Variants in ITPR2 observed in about 807,000 individuals in gnomAD.
The protein encoded by ITPR2 is inositol 1,4,5-trisphosphate-gated calcium channel ITPR2.
Under a neutral mutation model 317.1 loss-of-function variants are expected in ITPR2, and 207 were observed. The observed-to-expected ratio is 0.65, with a 90% CI of 0.58 to 0.73. The LOEUF is 0.73. ITPR2 is among the 30% of genes least tolerant of loss of function. The pLI, the probability that ITPR2 is intolerant of heterozygous loss-of-function variation, is 0.00. For synonymous variants in ITPR2, 1,156 were observed against 1,149.1 expected, an observed-to-expected ratio of 1.01 and a Z score of -0.12; for missense variants, 2,613 against 3,284.0, an observed-to-expected ratio of 0.80 and a Z score of 4.99.
At chr12:26,620,117 T>C (rs552775221) in intron 26 of ITPR2, among the ~76,000 whole-genome samples, 1 of 152,276 alleles carries the variant, frequency 6.6e-6, no homozygotes, top group South Asian at 2.1e-4. Context: ...AATTCCCCTA[T>C]AGCTGAAGTT....
chr12:26,699,917 A>T (rs944780100), intron 9 of ITPR2, among the ~76,000 whole-genome samples: 2 of 152,130 alleles, frequency 1.3e-5, no homozygotes, highest in Admixed American at 6.5e-5. Context: ...TCTTTATGTT[A>T]AAAAAATAAA....
intron 1 of ITPR2, among the ~76,000 whole-genome samples, chr12:26,823,663 A>G (rs1287664526): frequency 6.6e-6 from 1 of 152,210 alleles, no homozygotes; most frequent in Non-Finnish European, 1.5e-5. Context: ...CAATTGTATG[A>G]TTAAAGTTTT....
chr12:26,801,588 T>C (rs1950556591), intron 1 of ITPR2, among the ~76,000 whole-genome samples: 1 of 152,198 alleles, frequency 6.6e-6, no homozygotes, highest in African/African-American at 2.4e-5. Context: ...AGAATTAAAA[T>C]AGATCCCTCT....
intron 42 of ITPR2, among the ~76,000 whole-genome samples, chr12:26,483,274 G>A (rs975751798): frequency 6.6e-6 from 1 of 152,248 alleles, no homozygotes; most frequent in South Asian, 2.1e-4. Flanking sequence ...TAATCTTTGG[G>A]TTAGAACCTA....
chr12:26,711,389 C>T (rs1198177699), intron 8 of ITPR2, 121 bp from the exon 9 acceptor site: 2 of 685,390 alleles, frequency 2.9e-6, no homozygotes, highest in Non-Finnish European at 2.6e-6. Context: ...ATATATGTTT[C>T]CATGAGAGCA....
Position 26,827,514 on chromosome 12 carries a change from G to A in ITPR2, c.92+5176C>T, listed in dbSNP as rs568227877. Among the ~76,000 whole-genome samples the A allele has an allele frequency of 1.6e-4, 24 of 152,278 alleles. 1 individual carries two copies. Among genetic ancestry groups the A allele is most frequent in the African/African-American group, 5.3e-4 (22 of 41,552 alleles). ...CCAGTCAGAGGGGCCTCCAAGAGAG[G>A]TCCGGTAAACTCAAATATAGTGAAA... On this transcript the variant is annotated intron_variant, in intron 1 of 56. Coordinates refer to ENST00000381340, the MANE Select transcript of ITPR2 (RefSeq NM_002223.4).
At chr12:26,796,436 AGTAAG>A (rs925480247) in intron 1 of ITPR2, among the ~76,000 whole-genome samples, 3 of 152,224 alleles carry the variant, frequency 2.0e-5, no homozygotes, top group Non-Finnish European at 4.4e-5. Flanking sequence ...ATTGGTAAAA[AGTAAG>A]GTAAGAAAAA....
chr12:26,740,609 C>T (rs1018280720), intron 2 of ITPR2, among the ~76,000 whole-genome samples: 2 of 151,972 alleles, frequency 1.3e-5, no homozygotes, highest in African/African-American at 2.4e-5. Context: ...AATAAAAACT[C>T]AAGGAAGATA....
chr12:26,547,264 A>G (rs1944411056), intron 37 of ITPR2, among the ~76,000 whole-genome samples: 2 of 152,238 alleles, frequency 1.3e-5, no homozygotes, highest in African/African-American at 2.4e-5. Context: ...TATTTCTCAA[A>G]GGAAGACAGA....
intron 1 of ITPR2, among the ~76,000 whole-genome samples, chr12:26,817,437 A>G (rs931465923): frequency 2.0e-5 from 3 of 152,240 alleles, no homozygotes; most frequent in Non-Finnish European, 4.4e-5. Context: ...AAAGTGAAAC[A>G]CTAAACAAAG....
intron 48 of ITPR2, among the ~76,000 whole-genome samples, chr12:26,430,972 T>C (rs1941189220): frequency 6.6e-6 from 1 of 152,208 alleles, no homozygotes; most frequent in African/African-American, 2.4e-5. Context: ...CAGAAATCCC[T>C]GGGTGGTCTT....
At chr12:26,775,052 C>T (rs1407062664) in intron 2 of ITPR2, among the ~76,000 whole-genome samples, 2 of 152,062 alleles carry the variant, frequency 1.3e-5, no homozygotes, top group Admixed American at 6.5e-5. Context: ...TTCCTTTCAC[C>T]CCATTTTCCC....
chr12:26,556,147 T>C (rs1944655742), intron 36 of ITPR2, 86 bp downstream of exon 36: 1 of 1,342,694 alleles, frequency 7.4e-7, no homozygotes, highest in African/African-American at 1.5e-5. Flanking sequence ...GGACTGTCAT[T>C]TTATATCAGT....
At chr12:26,657,937 T>C (rs765189866) in intron 17 of ITPR2, 45 bp from the exon 18 acceptor site, 39 of 1,606,340 alleles carry the variant, frequency 2.4e-5, no homozygotes, top group Non-Finnish European at 3.1e-5. Flanking sequence ...AAAGTACACT[T>C]GTAAATATGA....
At position 26,622,306 on chromosome 12, in the gene ITPR2, A is replaced by G. The variant is rs1320974989; in HGVS notation, c.3222T>C (p.Ser1074=). The change falls in exon 25 of 57, where the codon TCT becomes TCC. Residue 1074 remains serine (S), a synonymous_variant. Coordinates refer to ENST00000381340, the MANE Select transcript of ITPR2 (RefSeq NM_002223.4). ...GCTTAAACAACAGCTGCAGGGCTCC[A>G]GACAGCAAAGGCGGGTAGTCGTGCA... ...LIMHDYPPLL[S]GALQLLFKHF... 1.2e-6 allele frequency: 2 copies of G among 1,614,050 alleles called. No individual in the cohort carries two copies. Among genetic ancestry groups the G allele is most frequent in the Non-Finnish European group, 1.7e-6 (2 of 1,179,930 alleles).
intron 26 of ITPR2, among the ~76,000 whole-genome samples, chr12:26,604,016 C>G (rs1946062700): frequency 6.6e-6 from 1 of 152,048 alleles, no homozygotes; most frequent in Non-Finnish European, 1.5e-5. Context: ...AAAGGGGACC[C>G]TAGTTTAAGC....
At chr12:26,369,086 G>A (rs531334838) in intron 55 of ITPR2, among the ~76,000 whole-genome samples, 3 of 152,306 alleles carry the variant, frequency 2.0e-5, no homozygotes, top group South Asian at 4.1e-4. Context: ...AAGGCCCTTA[G>A]GTAGAAACAA....
At chr12:26,821,244 C>G (rs1042908294) in intron 1 of ITPR2, among the ~76,000 whole-genome samples, 2 of 152,158 alleles carry the variant, frequency 1.3e-5, no homozygotes, top group African/African-American at 4.8e-5. Context: ...TTCTCTTTCT[C>G]CCATACCACA....
intron 37 of ITPR2, among the ~76,000 whole-genome samples, chr12:26,547,750 C>G (rs897208264): frequency 6.6e-6 from 1 of 152,160 alleles, no homozygotes; most frequent in Non-Finnish European, 1.5e-5. Flanking sequence ...GTTTTTCTTT[C>G]TTAGTTAAAT....
Sources: allele counts gnomAD v4.1 joint callset (sites outside exome capture counted in the v4.1 genomes callset), GRCh38; gene constraint gnomAD v4.1.1; transcripts MANE v1.5; gene names NCBI Gene and HGNC (gene_info 2026-07-23, HGNC 2026-07-21).